Variants in GALNT13 observed in about 807,000 individuals in gnomAD.
The protein encoded by GALNT13 is UDP-GalNAc:polypeptide N-acetylgalactosaminyltransferase 13.
GALNT13 carries 28 observed loss-of-function variants against 64.2 expected under a neutral mutation model. The ratio of observed to expected loss-of-function variants is 0.44; its 90% confidence interval spans 0.32 to 0.60. The LOEUF is 0.60. Among genes scored for constraint, GALNT13 ranks in the 20% least tolerant of loss-of-function variants. The probability of loss-of-function intolerance (pLI) is 0.05; values close to 1 mark genes in which losing one functional copy is unlikely to be tolerated. For missense variants in GALNT13, 577 were observed against 669.8 expected, an observed-to-expected ratio of 0.86 and a Z score of 1.53; for synonymous variants, 214 against 224.6, an observed-to-expected ratio of 0.95 and a Z score of 0.42.
chr2:153,627,152 G>A, the GALNT13 span, among the ~76,000 whole-genome samples: 3 of 152,022 alleles, frequency 2.0e-5, no homozygotes, highest in Non-Finnish European at 2.9e-5. Context: ...GGACAAGCCT[G>A]ATCATAAAAG....
the GALNT13 span, among the ~76,000 whole-genome samples, chr2:153,472,816 A>T: frequency 6.6e-6 from 1 of 152,354 alleles, no homozygotes; most frequent in African/African-American, 2.4e-5. Flanking sequence ...TTTAGTGTAT[A>T]TTGTTATTTA....
chr2:154,352,819 A>G (rs1389833508), intron 9 of GALNT13, among the ~76,000 whole-genome samples: 1 of 152,196 alleles, frequency 6.6e-6, no homozygotes, highest in African/African-American at 2.4e-5. Flanking sequence ...GTCTACTGAA[A>G]TTTAGCCTCT....
chr2:153,695,961 C>A, the GALNT13 span, among the ~76,000 whole-genome samples: 1 of 152,076 alleles, frequency 6.6e-6, no homozygotes, highest in African/African-American at 2.4e-5. Context: ...GAATCCTCTA[C>A]CTACTCTATT....
At chr2:153,254,927 GA>G in the GALNT13 span, among the ~76,000 whole-genome samples, 1 of 152,076 alleles carries the variant, frequency 6.6e-6, no homozygotes, top group African/African-American at 2.4e-5. Context: ...GTGTGGTACT[GA>G]AAAAAATGTA....
the GALNT13 span, among the ~76,000 whole-genome samples, chr2:153,417,689 G>A: frequency 6.6e-6 from 1 of 152,118 alleles, no homozygotes; most frequent in African/African-American, 2.4e-5. Context: ...TAGAGAATAA[G>A]CTTTTCGGAT....
At chr2:153,192,310 G>A in the GALNT13 span, among the ~76,000 whole-genome samples, 60 of 152,082 alleles carry the variant, frequency 3.9e-4, no homozygotes, top group Middle Eastern at 6.8e-3. Context: ...TTGTTCGGGA[G>A]TATGTTGCTT....
At chr2:153,557,286 G>A in the GALNT13 span, among the ~76,000 whole-genome samples, 4 of 152,198 alleles carry the variant, frequency 2.6e-5, no homozygotes, top group East Asian at 7.7e-4. Context: ...AAGCCTAGGT[G>A]TGTATTAGGC....
chr2:153,739,126 T>A, the GALNT13 span, among the ~76,000 whole-genome samples: 1 of 151,908 alleles, frequency 6.6e-6, no homozygotes, highest in Non-Finnish European at 1.5e-5. Flanking sequence ...GACTCTAATG[T>A]GTTTATAACT....
intron 12 of GALNT13, among the ~76,000 whole-genome samples, chr2:154,442,852 A>G (rs775015731): frequency 5.5e-4 from 84 of 152,272 alleles, no homozygotes; most frequent in Non-Finnish European, 6.9e-4. Flanking sequence ...GAAAAATATG[A>G]TACTAAAAAT....
the GALNT13 span, among the ~76,000 whole-genome samples, chr2:153,688,203 A>G: frequency 1.3e-5 from 2 of 152,100 alleles, no homozygotes; most frequent in South Asian, 4.1e-4. Context: ...TATAAACTAC[A>G]GTGGCAAAGT....
chr2:153,937,129 A>G lies in GALNT13; in HGVS notation c.-104-7265A>G, dbSNP rs1690993972. ...CATATGATCAAGCAATTCTACACCT[A>G]GGTATATACCCACGAACAATGAAAA... On this transcript the variant is annotated intron_variant, in intron 2 of 12. Coordinates refer to ENST00000392825, the MANE Select transcript of GALNT13 (RefSeq NM_052917.4). 2.0e-5 allele frequency among the ~76,000 whole-genome samples: 3 copies of G among 152,208 alleles called. No homozygotes were observed. In the South Asian group the frequency reaches 6.2e-4, roughly 32 times the overall value.
At chr2:153,835,913 AT>A in the GALNT13 span, among the ~76,000 whole-genome samples, 5 of 152,088 alleles carry the variant, frequency 3.3e-5, no homozygotes, top group African/African-American at 1.2e-4. Flanking sequence ...TCTAAGTAAT[AT>A]GTCCATTTTA....
At chr2:153,412,028 A>G in the GALNT13 span, among the ~76,000 whole-genome samples, 1 of 152,190 alleles carries the variant, frequency 6.6e-6, no homozygotes, top group Non-Finnish European at 1.5e-5. Flanking sequence ...TGAAAAGGTG[A>G]GGCTGGCCTA....
chr2:154,107,773 A>T (rs781687576), intron 3 of GALNT13, among the ~76,000 whole-genome samples: 3 of 150,570 alleles, frequency 2.0e-5, no homozygotes, highest in East Asian at 1.9e-4. Flanking sequence ...CCACGCTCCA[A>T]TTTTTTTTTC....
At chr2:154,133,053 T>C (rs1298605203) in intron 3 of GALNT13, among the ~76,000 whole-genome samples, 1 of 152,198 alleles carries the variant, frequency 6.6e-6, no homozygotes, top group Non-Finnish European at 1.5e-5. Context: ...GGGCATCCAC[T>C]GTAGTGCCTA....
At chr2:153,348,317 A>G in the GALNT13 span, among the ~76,000 whole-genome samples, 4 of 152,204 alleles carry the variant, frequency 2.6e-5, no homozygotes, top group African/African-American at 9.7e-5. Context: ...GCCATTGTGC[A>G]TAACTAAAGC....
At chr2:153,107,534 G>A in the GALNT13 span, among the ~76,000 whole-genome samples, 1 of 152,012 alleles carries the variant, frequency 6.6e-6, no homozygotes, top group East Asian at 1.9e-4. Flanking sequence ...ATTTCAAGCA[G>A]CAGAAAAGAA....
the GALNT13 span, among the ~76,000 whole-genome samples, chr2:153,173,045 A>G: frequency 1.3e-5 from 2 of 151,958 alleles, no homozygotes; most frequent in East Asian, 3.9e-4. Context: ...CATACTGTGA[A>G]CATTACAAGA....
At chr2:153,338,143 A>T in the GALNT13 span, among the ~76,000 whole-genome samples, 1 of 151,308 alleles carries the variant, frequency 6.6e-6, no homozygotes, top group Non-Finnish European at 1.5e-5. Flanking sequence ...AATAAAAAAA[A>T]TTAGCCAGTC....
Sources: gnomAD v4.1 joint callset for allele counts (sites outside exome capture counted in the v4.1 genomes callset) on GRCh38, gnomAD v4.1.1 for gene constraint, MANE v1.5 for transcripts, NCBI Gene and HGNC (gene_info 2026-07-23, HGNC 2026-07-21) for gene names.